The following PCDHGA11 variants were observed in gnomAD, a reference collection of about 807,000 sequenced individuals.
PCDHGA11 encodes the protein protocadherin gamma-A11.
A neutral mutation model predicts 60.4 loss-of-function variants in PCDHGA11; 39 were observed. The ratio of observed to expected loss-of-function variants is 0.65; its 90% CI spans 0.50 to 0.84. The LOEUF (loss-of-function observed/expected upper bound fraction) is 0.84, where lower values mean the gene tolerates loss of function less well. Among genes scored for constraint, PCDHGA11 ranks in the 40% least tolerant of loss-of-function variants. PCDHGA11 has a pLI of 0.00. For synonymous variants in PCDHGA11, 533 were observed against 510.3 expected (o/e 1.04, Z -0.60); for missense variants, 1,165 against 1,197.7 (o/e 0.97, Z 0.40).
chr5:141,472,068 G>C (rs1050927364), intron 1 of PCDHGA11, among the ~76,000 whole-genome samples: 7 of 151,974 alleles, frequency 4.6e-5, no homozygotes, highest in Non-Finnish European at 8.8e-5. Context: ...CATGTCTGTG[G>C]TTATATCAAT....
chr5:141,501,290 T>TACACATACACAC (rs1224133816), intron 2 of PCDHGA11, among the ~76,000 whole-genome samples: 9 of 136,158 alleles, frequency 6.6e-5, no homozygotes, highest in Admixed American at 1.6e-4. Context: ...TATTCCCTTA[T>TACACATACACAC]ACACACACAC....
chr5:141,487,451 A>G lies in PCDHGA11; in HGVS notation c.2434-7356A>G. 6.2e-7 allele frequency: 1 copy of G among 1,614,122 alleles called. No homozygotes were observed. Among genetic ancestry groups the G allele is most frequent in the Non-Finnish European group, 8.5e-7 (1 of 1,180,006 alleles). On this transcript the variant is annotated intron_variant, in intron 1 of 3. Transcript: ENST00000398587. This position sits in a 1 kb window ranked among gnomAD's most constrained non-coding sequence, Gnocchi z 5.0. ...AATCCAGCTAGGGTCAGATGACCCT[A>G]TCAAGTTTGTTGATGTGGGAGGCCA...
At position 141,432,995 on chromosome 5, in the gene PCDHGA11, G is replaced by A. The variant is rs576866505; in HGVS notation, c.2433+9335G>A. On this transcript the variant is annotated intron_variant, in intron 1 of 3. Transcript: ENST00000398587. This position sits in a 1 kb window ranked among gnomAD's most constrained non-coding sequence, Gnocchi z 6.0. ...GTCGCACTTTGTGGGCGTGGACGGGGTGCAGGCTTTCCTGCAGACCTATTC... is the reference window on the plus strand; with the variant it reads ...GTCGCACTTTGTGGGCGTGGACGGGATGCAGGCTTTCCTGCAGACCTATTC... The A allele has an allele frequency of 1.2e-6, 2 of 1,614,226 alleles. No individual in the cohort carries two copies. The highest frequency in any genetic ancestry group is 3.3e-5 in the Admixed American group (2 of 60,028).
At chr5:141,426,625 A>G (rs770683989) in intron 1 of PCDHGA11, 29 of 394,754 alleles carry the variant, frequency 7.3e-5, no homozygotes, top group South Asian at 7.2e-5. Context: ...AATCCTCTAA[A>G]TGTTTTTCAC....
chr5:141,491,876 A>G lies in PCDHGA11; in HGVS notation c.2434-2931A>G. ...TTGCGCGAAACCAGAGTGGCCGATT[A>G]AGGGATGGGGCTCCGAGCACCGGGG... On this transcript the variant is annotated intron_variant, in intron 1 of 3. Coordinates refer to ENST00000398587, the MANE Select transcript of PCDHGA11 (RefSeq NM_018914.3). The surrounding 1 kb of genome is among the most constrained non-coding windows in gnomAD (Gnocchi z 6.9). 2.1e-6 allele frequency: 3 copies of G among 1,450,326 alleles called. No individual in the cohort carries two copies. Among genetic ancestry groups the G allele is most frequent in the Non-Finnish European group, 1.8e-6 (2 of 1,097,472 alleles). 89.8% of individuals were successfully genotyped at this position (1,450,326 alleles called of 1,614,324 possible).
Position 141,474,403 on chromosome 5 carries a change from C to T in PCDHGA11, c.2434-20404C>T, listed in dbSNP as rs553745731. ...ATTTCTGCATTTCTAACAAGCTCCC[C>T]GGTGATGCCTAGACCATTGGTCCTC... is the stretch of plus-strand genomic sequence containing the variant. On this transcript the variant is annotated intron_variant, in intron 1 of 3. Coordinates refer to ENST00000398587, the MANE Select transcript of PCDHGA11 (RefSeq NM_018914.3). Among the ~76,000 whole-genome samples, 121 of 152,282 alleles carry T rather than the reference C, an allele frequency of 7.9e-4. 1 individual carries two copies. Among genetic ancestry groups the T allele is most frequent in the Admixed American group, 3.9e-3 (59 of 15,292 alleles).
intron 1 of PCDHGA11, among the ~76,000 whole-genome samples, chr5:141,456,073 A>G (rs1490650582): frequency 2.6e-5 from 4 of 151,252 alleles, no homozygotes; most frequent in Non-Finnish European, 5.9e-5. Flanking sequence ...AATTTTTTGT[A>G]TTTTCAGTAG....
At chr5:141,458,100 A>AT (rs2098937418) in intron 1 of PCDHGA11, among the ~76,000 whole-genome samples, 1 of 152,252 alleles carries the variant, frequency 6.6e-6, no homozygotes, top group Non-Finnish European at 1.5e-5. Context: ...GAGTACTTAC[A>AT]GATAGTCTCC....
Position 141,438,591 on chromosome 5 carries a change from C to CAT in PCDHGA11, c.2433+14975_2433+14976dup, listed in dbSNP as rs946798767. On this transcript the variant is annotated intron_variant, in intron 1 of 3. Coordinates refer to ENST00000398587, the MANE Select transcript of PCDHGA11 (RefSeq NM_018914.3). ...TCTGATATACATACATACATACATA[C>CAT]ATATATATATATATATATATATATA... Among the ~76,000 whole-genome samples the CAT allele has an allele frequency of 6.3e-3, 476 of 75,268 alleles. 1 individual carries two copies. The highest frequency in any genetic ancestry group is 9.5e-3 in the Non-Finnish European group (352 of 37,106). 49.4% of individuals were successfully genotyped at this position (75,268 alleles called of 152,430 possible). A position where few individuals can be genotyped will look rare whatever the true frequency, so the allele number is the denominator to read the frequency against.
intron 1 of PCDHGA11, among the ~76,000 whole-genome samples, chr5:141,459,312 G>A (rs968359414): frequency 6.6e-6 from 1 of 152,084 alleles, no homozygotes; most frequent in African/African-American, 2.4e-5. Flanking sequence ...ATACTATTTT[G>A]TATCCATCTT....
At chr5:141,443,874 A>G (rs2098409122) in intron 1 of PCDHGA11, among the ~76,000 whole-genome samples, 1 of 152,190 alleles carries the variant, frequency 6.6e-6, no homozygotes, top group Non-Finnish European at 1.5e-5. Flanking sequence ...AATTACTGAT[A>G]AGTCAAGAGA....
intron 1 of PCDHGA11, among the ~76,000 whole-genome samples, chr5:141,463,393 C>CA (rs955461719): frequency 5.7e-5 from 8 of 140,804 alleles, no homozygotes; most frequent in Non-Finnish European, 7.6e-5. Flanking sequence ...TGTCTCCAGG[C>CA]AAAAAAAATG....
In PCDHGA11 at chr5:141,490,755, C is replaced by T; in HGVS notation, c.2434-4052C>T. ...AGGTTCAGGGAGCCCCAGCCTCCTC[C>T]TTTGTGTATGTCAACCCAGAGGATG... On this transcript the variant is annotated intron_variant, in intron 1 of 3. Transcript: ENST00000398587. This position sits in a 1 kb window ranked among gnomAD's most constrained non-coding sequence, Gnocchi z 5.4. 1 of 1,614,190 alleles carries T rather than the reference C, an allele frequency of 6.2e-7. No individual in the cohort carries two copies. Among genetic ancestry groups the T allele is most frequent in the Non-Finnish European group, 8.5e-7 (1 of 1,180,026 alleles).
At chr5:141,445,339 A>G (rs1450773291) in intron 1 of PCDHGA11, among the ~76,000 whole-genome samples, 1 of 152,152 alleles carries the variant, frequency 6.6e-6, no homozygotes, top group Non-Finnish European at 1.5e-5. Context: ...GAAACAGTAA[A>G]CATTGGTGTC....
chr5:141,476,772 G>A lies in PCDHGA11; in HGVS notation c.2434-18035G>A. 1 of 1,613,650 alleles carries A rather than the reference G, an allele frequency of 6.2e-7. No homozygotes were observed. Among genetic ancestry groups the A allele is most frequent in the South Asian group, 1.1e-5 (1 of 91,086 alleles). ...CAGTTAGTGCTGACGGCGTTGGACG[G>A]AGGGACCCCAGCTCTCTCCGCCAGC... is the stretch of plus-strand genomic sequence containing the variant. On this transcript the variant is annotated intron_variant, in intron 1 of 3. Coordinates refer to ENST00000398587, the MANE Select transcript of PCDHGA11 (RefSeq NM_018914.3). The surrounding 1 kb of genome is among the most constrained non-coding windows in gnomAD (Gnocchi z 7.6).
intron 1 of PCDHGA11, among the ~76,000 whole-genome samples, chr5:141,426,008 T>G (rs2096909040): frequency 6.6e-6 from 1 of 152,224 alleles, no homozygotes; most frequent in South Asian, 2.1e-4. Context: ...GGCTTCCGGC[T>G]GCAGTTTTCT....
intron 1 of PCDHGA11, chr5:141,427,231 G>A (rs1561827383): frequency 2.2e-6 from 1 of 456,612 alleles, no homozygotes; most frequent in African/African-American, 2.0e-5. Flanking sequence ...TATACCATGA[G>A]AGTAGAAGCT....
chr5:141,469,992 G>T (rs894673835), intron 1 of PCDHGA11, among the ~76,000 whole-genome samples: 2 of 152,056 alleles, frequency 1.3e-5, no homozygotes, highest in Non-Finnish European at 2.9e-5. Context: ...TTAGCTGGTC[G>T]TCGTGGCACG....
intron 2 of PCDHGA11, among the ~76,000 whole-genome samples, chr5:141,503,448 C>T (rs765046868): frequency 2.0e-5 from 3 of 151,808 alleles, no homozygotes; most frequent in South Asian, 2.1e-4. Context: ...TACAAAAATT[C>T]GCTGGGCATG....
Sources: gnomAD v4.1 joint callset for allele counts (sites outside exome capture counted in the v4.1 genomes callset) on GRCh38, gnomAD v4.1.1 for gene constraint, Gnocchi (gnomAD v3.1) non-coding constraint, MANE v1.5 for transcripts, NCBI Gene and HGNC (gene_info 2026-07-23, HGNC 2026-07-21) for gene names.